UFL1: variants seen among roughly 807,000 people sequenced by gnomAD.
UFL1 encodes UFM1 specific ligase 1, also known as E3 UFM1-protein ligase 1.
Under a neutral mutation model 99.3 loss-of-function variants are expected in UFL1, and 78 were observed. That is an observed-to-expected ratio of 0.79 (90% CI 0.65 to 0.95). The LOEUF (loss-of-function observed/expected upper bound fraction) is 0.95, where lower values mean the gene tolerates loss of function less well. Ranked by LOEUF, UFL1 falls within the 40% of genes least tolerant of loss-of-function variation. The pLI is 0.00. For synonymous variants in UFL1, 335 were observed against 322.2 expected (o/e 1.04, Z -0.42); for missense variants, 936 against 937.0 (o/e 1.00, Z 0.01).
At chr6:96,540,938 T>G (rs972342180) in intron 11 of UFL1, among the ~76,000 whole-genome samples, 7 of 151,546 alleles carry the variant, frequency 4.6e-5, no homozygotes, top group South Asian at 2.1e-4. Flanking sequence ...CCAGTAGCCC[T>G]TTTTTGTTTT....
At chr6:96,544,473 T>G (rs1404275090) in intron 12 of UFL1, among the ~76,000 whole-genome samples, 3 of 151,014 alleles carry the variant, frequency 2.0e-5, no homozygotes, top group Non-Finnish European at 4.5e-5. Flanking sequence ...ATTCATTACA[T>G]ACGGGCTATA....
intron 12 of UFL1, among the ~76,000 whole-genome samples, chr6:96,545,373 T>C (rs1447719112): frequency 6.6e-6 from 1 of 151,102 alleles, no homozygotes; most frequent in Non-Finnish European, 1.5e-5. Context: ...TTTGCACAGT[T>C]AGCTATTATT....
intron 6 of UFL1, among the ~76,000 whole-genome samples, chr6:96,532,158 C>T (rs1033961847): frequency 6.6e-6 from 1 of 152,098 alleles, no homozygotes; most frequent in African/African-American, 2.4e-5. Context: ...AAAGTTTCAT[C>T]ATACAAAAAA....
chr6:96,550,485 G>A (rs1289313092), intron 15 of UFL1, among the ~76,000 whole-genome samples: 1 of 151,950 alleles, frequency 6.6e-6, no homozygotes, highest in East Asian at 1.9e-4. Flanking sequence ...CTTTGATCAA[G>A]GTCAAACCAA....
At position 96,521,830 on chromosome 6, in the gene UFL1, G is replaced by A; in HGVS notation, c.-44G>A. 1.3e-6 allele frequency: 2 copies of A among 1,587,718 alleles called. No individual in the cohort carries two copies. The highest frequency in any genetic ancestry group is 1.3e-5 in the African/African-American group (1 of 74,518). ...TCTCTTCTCCCACCGCCTGTCGGCT[G>A]ACGTGTCTGCAGTTCCTCCGCGTCT... On this transcript the variant is annotated 5_prime_UTR_variant, in exon 1 of 19. Transcript: ENST00000369278.
intron 17 of UFL1, 69 bp from the exon 18 acceptor site, chr6:96,552,413 G>T: frequency 1.4e-6 from 2 of 1,440,654 alleles, no homozygotes; most frequent in Non-Finnish European, 9.1e-7. Flanking sequence ...AACAGAAAGG[G>T]ATGAATTGAA....
intron 7 of UFL1, among the ~76,000 whole-genome samples, chr6:96,535,588 G>A (rs191346637): frequency 6.3e-4 from 95 of 151,942 alleles, no homozygotes; most frequent in African/African-American, 2.0e-3. Context: ...TCACAGATAC[G>A]GAAATGGAGA....
intron 7 of UFL1, among the ~76,000 whole-genome samples, chr6:96,535,538 T>C (rs1769841022): frequency 6.6e-6 from 1 of 152,032 alleles, no homozygotes; most frequent in Non-Finnish European, 1.5e-5. Flanking sequence ...TTTACTTGAA[T>C]ACAACAATTC....
chr6:96,521,806 C>G lies in UFL1; in HGVS notation c.-68C>G, dbSNP rs1397944399. The G allele has an allele frequency of 1.9e-6, 3 of 1,540,190 alleles. No individual in the cohort carries two copies. Among genetic ancestry groups the G allele is most frequent in the Middle Eastern group, 2.3e-4 (1 of 4,398 alleles). Reference sequence around the variant, plus strand: ...TCCCTCTGCGCGGCCCGTTCCGCCTCTCTTCTCCCACCGCCTGTCGGCTGA... The same window carrying G: ...TCCCTCTGCGCGGCCCGTTCCGCCTGTCTTCTCCCACCGCCTGTCGGCTGA... On this transcript the variant is annotated 5_prime_UTR_variant, in exon 1 of 19. Transcript: ENST00000369278.
intron 4 of UFL1, 82 bp downstream of exon 4, chr6:96,525,476 A>G: frequency 1.0e-6 from 1 of 981,746 alleles, no homozygotes; most frequent in Non-Finnish European, 1.6e-6. Flanking sequence ...TAGGCCAATT[A>G]TGGCCAGTTA....
At chr6:96,545,569 GA>G (rs1487768235) in intron 12 of UFL1, among the ~76,000 whole-genome samples, 8 of 150,718 alleles carry the variant, frequency 5.3e-5, no homozygotes, top group African/African-American at 1.9e-4. Context: ...ATCTTATTTA[GA>G]TTATAAGGAT....
chr6:96,528,787 A>C (rs1273138027), intron 6 of UFL1, among the ~76,000 whole-genome samples, 155 bp downstream of exon 6: 1 of 152,180 alleles, frequency 6.6e-6, no homozygotes, highest in Non-Finnish European at 1.5e-5. Context: ...GTAAAATAGA[A>C]ATTGAGATTC....
intron 4 of UFL1, 126 bp from the exon 5 acceptor site, chr6:96,526,195 C>G (rs1769699902): frequency 1.5e-6 from 1 of 674,868 alleles, no homozygotes; most frequent in Non-Finnish European, 2.5e-6. Context: ...GAGTGGTGTT[C>G]ATGTACACAC....
At chr6:96,544,083 G>T (rs909610789) in intron 12 of UFL1, among the ~76,000 whole-genome samples, 2 of 150,792 alleles carry the variant, frequency 1.3e-5, no homozygotes, top group Admixed American at 1.3e-4. Flanking sequence ...CATTTTTATG[G>T]TCTTCCACTG....
Position 96,551,429 on chromosome 6 carries a change from A to C in UFL1, c.1819-4A>C, listed in dbSNP as rs749099810. The C allele has an allele frequency of 6.8e-7, 1 of 1,461,292 alleles. No individual in the cohort carries two copies. Among genetic ancestry groups the C allele is most frequent in the South Asian group, 1.3e-5 (1 of 79,408 alleles). 90.5% of individuals were successfully genotyped at this position (1,461,292 alleles called of 1,614,324 possible). A position where few individuals can be genotyped will look rare whatever the true frequency, so the allele number is the denominator to read the frequency against. ...ACTGAATGAATTTTCATTTACCCCT[A>C]CAGATAAGAAAGAAAATTTTAAGTA... is the stretch of plus-strand genomic sequence containing the variant. On this transcript the variant is annotated splice_region_variant and splice_polypyrimidine_tract_variant and intron_variant, in intron 15 of 18. Transcript: ENST00000369278.
At chr6:96,537,761 A>C (rs1769873728) in intron 9 of UFL1, among the ~76,000 whole-genome samples, 1 of 151,872 alleles carries the variant, frequency 6.6e-6, no homozygotes, top group African/African-American at 2.4e-5. Flanking sequence ...TATAAATCTC[A>C]AAACAAACAA....
intron 9 of UFL1, among the ~76,000 whole-genome samples, chr6:96,538,140 A>G (rs1198180200): frequency 2.6e-5 from 4 of 151,768 alleles, no homozygotes; most frequent in African/African-American, 4.8e-5. Flanking sequence ...TAACAAAACT[A>G]CCTTCTGTGT....
Position 96,553,307 on chromosome 6 carries a change from A to G in UFL1, c.2189A>G (p.Lys730Arg). 1 of 1,613,406 alleles carries G rather than the reference A, an allele frequency of 6.2e-7. No individual in the cohort carries two copies. Among genetic ancestry groups the G allele is most frequent in the Non-Finnish European group, 8.5e-7 (1 of 1,179,652 alleles). The change falls in exon 19 of 19, where the codon AAG becomes AGG. Residue 730 changes from lysine to arginine, a missense_variant. Coordinates refer to ENST00000369278, the MANE Select transcript of UFL1 (RefSeq NM_015323.5). ...CAGGATCAGCATGCTCTTTTGGTAA[A>G]GTATCAAGGTTTGGTTGTAAAGCAG... ...IPEDQHALLV[K>R]YQGLVVKQLV...
At chr6:96,536,117 G>A in intron 7 of UFL1, 127 bp from the exon 8 acceptor site, 1 of 868,096 alleles carries the variant, frequency 1.2e-6, no homozygotes, top group Non-Finnish European at 1.7e-6. Flanking sequence ...CTTTATTTAT[G>A]CTATTTCAAC....
Sources: allele counts gnomAD v4.1 joint callset (sites outside exome capture counted in the v4.1 genomes callset), GRCh38; gene constraint gnomAD v4.1.1; transcripts MANE v1.5; gene names NCBI Gene and HGNC (gene_info 2026-07-23, HGNC 2026-07-21).